Variants in CKAP2 observed in about 807,000 individuals in gnomAD.
CKAP2 encodes the protein cytoskeleton associated protein 2.
In CKAP2, 46 loss-of-function variants were observed where a neutral mutation model predicts 58.4. The observed-to-expected ratio is 0.79, with a 90% CI of 0.62 to 1.01. The LOEUF (loss-of-function observed/expected upper bound fraction) is 1.01. CKAP2 is among the 50% of genes least tolerant of loss of function. The pLI, the probability that CKAP2 is intolerant of heterozygous loss-of-function variation, is 0.00. For missense variants in CKAP2, 809 were observed against 796.4 expected (o/e 1.02, Z -0.19); for synonymous variants, 293 against 280.9 (o/e 1.04, Z -0.43).
chr13:52,462,132 G>A (rs1194374202), intron 4 of CKAP2, among the ~76,000 whole-genome samples: 1 of 152,038 alleles, frequency 6.6e-6, no homozygotes, highest in Non-Finnish European at 1.5e-5. Context: ...AAAATCTAAG[G>A]TAAATGCTTA....
At chr13:52,467,820 T>G (rs1399485746) in intron 6 of CKAP2, among the ~76,000 whole-genome samples, 3 of 151,776 alleles carry the variant, frequency 2.0e-5, no homozygotes. Flanking sequence ...TTTTTGTTTT[T>G]TTTTTTTGAG....
rs1958809854 is a variant in CKAP2 at position 52,475,074 on chromosome 13, C to G, written c.1982C>G (p.Thr661Ser). 6.2e-7 allele frequency: 1 copy of G among 1,614,078 alleles called. No individual in the cohort carries two copies. Among genetic ancestry groups the G allele is most frequent in the Non-Finnish European group, 8.5e-7 (1 of 1,180,038 alleles). The change falls in exon 9 of 9, where the codon ACT becomes AGT. Residue 661 changes from threonine (T) to serine (S), a missense_variant. Thr to Ser is a moderately conservative substitution (Grantham distance 58). This residue lies in a region of CKAP2 where 283 missense variants were observed against 287.6 expected (regional missense o/e 0.98). Transcript: ENST00000258607. Reference protein sequence around the residue: ...LEQLTELGRETDAFVCRPNAA... With the variant: ...LEQLTELGRESDAFVCRPNAA... The stretch of plus-strand genomic sequence containing the variant: ...CAGCTAACGGAGTTGGGAAGAGAAA[C>G]TGATGCTTTTGTATGCCGCCCTAAT...
In CKAP2 at chr13:52,455,731, C is replaced by G. The variant is rs183306242; in HGVS notation, c.70+105C>G. 7.3e-4 allele frequency: 912 copies of G among 1,244,974 alleles called. 10 individuals carry two copies. The African/African-American group carries it at 0.013, about 17-fold the overall frequency. The allele number at this position is 1,244,974 out of a possible 1,614,324, so 77.1% of individuals were successfully genotyped here. On this transcript the variant is annotated intron_variant, in intron 1 of 8. Transcript: ENST00000258607. ...GCGCTGGCGCGCTTCACCTCTCCCCCGCTCTGTGAGATCCCTGAACGCGGC... is the reference window on the plus strand; with the variant it reads ...GCGCTGGCGCGCTTCACCTCTCCCCGGCTCTGTGAGATCCCTGAACGCGGC...
chr13:52,464,242 A>C (rs1348121984), intron 5 of CKAP2, among the ~76,000 whole-genome samples: 2 of 151,834 alleles, frequency 1.3e-5, no homozygotes, highest in African/African-American at 2.4e-5. Flanking sequence ...AGTTACCTAA[A>C]ATACTCAAAA....
Position 52,463,234 on chromosome 13 carries a change from G to A in CKAP2, c.1305+667G>A, listed in dbSNP as rs58762975. 8.9e-3 allele frequency among the ~76,000 whole-genome samples: 1,351 copies of A among 152,260 alleles called. 19 individuals carry two copies. The highest frequency in any genetic ancestry group is 0.031 in the African/African-American group (1,291 of 41,540). ...ATTACAGGTGTGAGCCACTGCGCTC[G>A]GCCTCATTCATGTTTTATATACAGC... On this transcript the variant is annotated intron_variant, in intron 5 of 8. Coordinates refer to ENST00000258607, the MANE Select transcript of CKAP2 (RefSeq NM_018204.5).
rs1958791680 is a variant in CKAP2 at position 52,473,869 on chromosome 13, CAAA to C, written c.1588_1590del (p.Lys530del). The C allele has an allele frequency of 6.2e-7, 1 of 1,612,468 alleles. No individual in the cohort carries two copies. The highest frequency in any genetic ancestry group is 1.1e-5 in the South Asian group (1 of 90,734). On this transcript the variant is annotated inframe_deletion, in exon 8 of 9. Transcript: ENST00000258607. Reference sequence around the variant, plus strand: ...AGTCTTGTGCAAGCAAGGAAGAAGTCAAAGAAGTCAGTATTGAAGATACAGGTG... The same window carrying C: ...AGTCTTGTGCAAGCAAGGAAGAAGTCGAAGTCAGTATTGAAGATACAGGTG...
At chr13:52,468,420 T>C in intron 7 of CKAP2, 73 bp downstream of exon 7, 1 of 919,782 alleles carries the variant, frequency 1.1e-6, no homozygotes, top group South Asian at 1.5e-5. Flanking sequence ...AACTTTTATT[T>C]TAAGATCAGG....
At chr13:52,460,652 CTG>C (rs1958557199) in intron 2 of CKAP2, among the ~76,000 whole-genome samples, 1 of 148,546 alleles carries the variant, frequency 6.7e-6, no homozygotes, top group African/African-American at 2.5e-5. Flanking sequence ...CGGGGTTTCA[CTG>C]TGTTAGTCAG....
At chr13:52,473,029 C>T (rs530459451) in intron 7 of CKAP2, among the ~76,000 whole-genome samples, 18 of 150,588 alleles carry the variant, frequency 1.2e-4, no homozygotes, top group Non-Finnish European at 2.1e-4. Flanking sequence ...GGTGACAGAA[C>T]GGCAGACACC....
chr13:52,456,888 C>G (rs1456195076), intron 2 of CKAP2, among the ~76,000 whole-genome samples: 1 of 151,730 alleles, frequency 6.6e-6, no homozygotes, highest in Admixed American at 6.6e-5. Flanking sequence ...ATTAGATCAT[C>G]GTTTTATTAA....
At chr13:52,456,049 C>A in intron 1 of CKAP2, 1 of 1,031,152 alleles carries the variant, frequency 9.7e-7, no homozygotes, top group East Asian at 8.9e-5. Flanking sequence ...TGTGTTATTT[C>A]CAATTTCACA....
chr13:52,461,706 A>G lies in CKAP2; in HGVS notation c.880A>G (p.Thr294Ala). 7 of 1,613,902 alleles carry G rather than the reference A, an allele frequency of 4.3e-6. No individual in the cohort carries two copies. The highest frequency in any genetic ancestry group is 5.9e-6 in the Non-Finnish European group (7 of 1,179,910). ...TGAAAAAGAACTATTACAATCAAAA[A>G]CAGCTTTATCTAGTGTCAAAACCAG... ...PHEKELLQSKTALSSVKTSSS... is the reference protein window; with the variant it reads ...PHEKELLQSKAALSSVKTSSS... The change falls in exon 4 of 9, where the codon ACA (threonine) becomes GCA (alanine). Residue 294 changes from threonine (T) to alanine (A), a missense_variant. Thr to Ala is a moderately conservative substitution (Grantham distance 58). This residue lies in a region of CKAP2 where 523 missense variants were observed against 492.4 expected (regional missense o/e 1.06). Coordinates refer to ENST00000258607, the MANE Select transcript of CKAP2 (RefSeq NM_018204.5).
chr13:52,471,981 T>A (rs1428108562), intron 7 of CKAP2, among the ~76,000 whole-genome samples: 2 of 152,144 alleles, frequency 1.3e-5, no homozygotes, highest in African/African-American at 4.8e-5. Flanking sequence ...CTCCCCTACA[T>A]CCCTGAATTT....
intron 6 of CKAP2, among the ~76,000 whole-genome samples, chr13:52,467,586 G>A (rs760796035): frequency 6.6e-6 from 1 of 152,008 alleles, no homozygotes; most frequent in Non-Finnish European, 1.5e-5. Context: ...GTGCCCACCC[G>A]TAATCCCAGC....
In CKAP2 at chr13:52,466,005, A is replaced by C. The variant is rs150301837; in HGVS notation, c.1476+540A>C. Among the ~76,000 whole-genome samples the C allele has an allele frequency of 2.1e-3, 316 of 151,956 alleles. 1 individual carries two copies. Among genetic ancestry groups the C allele is most frequent in the Non-Finnish European group, 4.0e-3 (274 of 67,908 alleles). Reference sequence around the variant, plus strand: ...CACACATATATGCACACATATATATACACACATACACATATATACACATAT... The same window carrying C: ...CACACATATATGCACACATATATATCCACACATACACATATATACACATAT... On this transcript the variant is annotated intron_variant, in intron 6 of 8. Coordinates refer to ENST00000258607, the MANE Select transcript of CKAP2 (RefSeq NM_018204.5).
chr13:52,461,606 C>T lies in CKAP2; in HGVS notation c.780C>T (p.His260=). ...QLVRPPIRSH[H]SNTRDTVKQG... ...TGCGACCTCCTATTAGAAGTCATCA[C>T]AGTAATACCCGGGACACTGTGAAAC... The change falls in exon 4 of 9, where the codon CAC becomes CAT. Residue 260 remains histidine (H), a synonymous_variant. Transcript: ENST00000258607. 1 of 1,614,140 alleles carries T rather than the reference C, an allele frequency of 6.2e-7. No individual in the cohort carries two copies. Among genetic ancestry groups the T allele is most frequent in the Non-Finnish European group, 8.5e-7 (1 of 1,180,008 alleles).
intron 6 of CKAP2, among the ~76,000 whole-genome samples, 178 bp from the exon 7 acceptor site, chr13:52,468,100 G>A (rs1251278617): frequency 6.6e-6 from 1 of 152,030 alleles, no homozygotes; most frequent in African/African-American, 2.4e-5. Flanking sequence ...GTGAGCCATC[G>A]TGCCCAGCCA....
intron 2 of CKAP2, among the ~76,000 whole-genome samples, chr13:52,459,704 T>C (rs1467937112): frequency 6.6e-6 from 1 of 152,164 alleles, no homozygotes; most frequent in Non-Finnish European, 1.5e-5. Flanking sequence ...ATCAATGGCA[T>C]GTCTAATTGA....
In CKAP2 at chr13:52,457,182, A is replaced by G. The variant is rs566864235; in HGVS notation, c.155+575A>G. Among the ~76,000 whole-genome samples, 423 of 152,310 alleles carry G rather than the reference A, an allele frequency of 2.8e-3. 3 individuals carry two copies. The highest frequency in any genetic ancestry group is 4.6e-3 in the Non-Finnish European group (311 of 68,032). On this transcript the variant is annotated intron_variant, in intron 2 of 8. Coordinates refer to ENST00000258607, the MANE Select transcript of CKAP2 (RefSeq NM_018204.5). ...AGTGCTGTGATTACAAGGATGAGCC[A>G]CCGCGCCCGGCCTAGATTATCGTTT...
Sources: gnomAD v4.1 joint callset for allele counts (sites outside exome capture counted in the v4.1 genomes callset) on GRCh38, gnomAD v4.1.1 for gene constraint, gnomAD v4.1.1 regional missense constraint, MANE v1.5 for transcripts, NCBI Gene and HGNC (gene_info 2026-07-23, HGNC 2026-07-21) for gene names.